Variants in SH3BGR observed in about 807,000 individuals in gnomAD.
SH3BGR encodes the protein SH3 domain-binding glutamic acid-rich protein.
In SH3BGR, 29 loss-of-function variants were observed where a neutral mutation model predicts 24.5. That is an observed-to-expected ratio of 1.18 (90% confidence interval 0.88 to 1.61). The LOEUF (loss-of-function observed/expected upper bound fraction) is 1.61, where lower values mean the gene tolerates loss of function less well. Ranked by LOEUF, SH3BGR falls within the 40% of genes most tolerant of loss-of-function variation. SH3BGR has a pLI of 0.00. For missense variants in SH3BGR, 162 were observed against 205.8 expected, an observed-to-expected ratio of 0.79 and a Z score of 1.30; for synonymous variants, 55 against 65.7, an observed-to-expected ratio of 0.84 and a Z score of 0.79.
chr21:39,503,058 A>T (rs1338785259), intron 4 of SH3BGR, among the ~76,000 whole-genome samples: 1 of 151,206 alleles, frequency 6.6e-6, no homozygotes, highest in Non-Finnish European at 1.5e-5. Context: ...ACCAAGGTCT[A>T]TACTTTCTTC....
intron 1 of SH3BGR, among the ~76,000 whole-genome samples, chr21:39,453,571 A>G (rs2077609017): frequency 6.6e-6 from 1 of 152,110 alleles, no homozygotes; most frequent in African/African-American, 2.4e-5. Flanking sequence ...TTTAAGGTTT[A>G]TTTGATGTCC....
intron 2 of SH3BGR, among the ~76,000 whole-genome samples, chr21:39,472,514 G>A (rs2077958541): frequency 6.6e-6 from 1 of 152,018 alleles, no homozygotes; most frequent in South Asian, 2.1e-4. Flanking sequence ...TGAGGCCTGG[G>A]GTTTATTTCT....
chr21:39,451,840 T>G (rs2077578821), upstream of SH3BGR: 3 of 1,546,770 alleles, frequency 1.9e-6, no homozygotes, highest in Non-Finnish European at 2.6e-6. Flanking sequence ...GCTGCTTTTA[T>G]CGACCAATCA....
At chr21:39,473,492 GA>G (rs1263793590) in intron 2 of SH3BGR, among the ~76,000 whole-genome samples, 1 of 152,164 alleles carries the variant, frequency 6.6e-6, no homozygotes, top group East Asian at 1.9e-4. Context: ...ACCAAGATTT[GA>G]GGCAGCTTCC....
intron 4 of SH3BGR, among the ~76,000 whole-genome samples, chr21:39,505,725 A>G (rs2040312597): frequency 6.6e-6 from 1 of 152,062 alleles, no homozygotes; most frequent in Non-Finnish European, 1.5e-5. Flanking sequence ...AGATTGCGCC[A>G]TTGCACTCCA....
chr21:39,475,095 G>T, intron 2 of SH3BGR, 40 bp from the exon 3 acceptor site: 1 of 1,249,922 alleles, frequency 8.0e-7, no homozygotes. Context: ...TGGCTCACAA[G>T]TGTGCAGTAG....
At chr21:39,498,237 G>A (rs185006748) in intron 3 of SH3BGR, among the ~76,000 whole-genome samples, 6 of 152,186 alleles carry the variant, frequency 3.9e-5, no homozygotes, top group African/African-American at 7.2e-5. Context: ...CAGAGGTACC[G>A]TATCACATTT....
At position 39,511,247 on chromosome 21, in the gene SH3BGR, GGTAT is replaced by G. The variant is rs574220110; in HGVS notation, c.436-426_436-423del. 2.2e-3 allele frequency among the ~76,000 whole-genome samples: 326 copies of G among 149,830 alleles called. 1 individual carries two copies. Among genetic ancestry groups the G allele is most frequent in the African/African-American group, 7.8e-3 (318 of 40,846 alleles). On this transcript the variant is annotated intron_variant, in intron 5 of 6. Coordinates refer to ENST00000333634, the MANE Select transcript of SH3BGR (RefSeq NM_007341.3). This position sits in a 1 kb window ranked among gnomAD's most constrained non-coding sequence, Gnocchi z 4.2. ...ATGGTGTGTATGTTATGGTGTGGAG[GGTAT>G]GTATGTGTATGTGTGATGTGTATGT...
At chr21:39,492,445 T>A (rs1049691788) in intron 3 of SH3BGR, among the ~76,000 whole-genome samples, 1 of 100,076 alleles carries the variant, frequency 1.0e-5, no homozygotes, top group Non-Finnish European at 2.2e-5. Context: ...TTTCCCTTGG[T>A]GTGTGTGTGT....
At chr21:39,475,267 G>T (rs1263046959) in intron 3 of SH3BGR, 52 bp downstream of exon 3, 2 of 1,115,204 alleles carry the variant, frequency 1.8e-6, no homozygotes. Context: ...ACTAAATGAA[G>T]GTAGAAATCA....
At chr21:39,456,137 G>T (rs1259270119) in intron 1 of SH3BGR, among the ~76,000 whole-genome samples, 2 of 152,112 alleles carry the variant, frequency 1.3e-5, no homozygotes, top group African/African-American at 4.8e-5. Context: ...CCCACATCAA[G>T]CCCTGAGGCA....
chr21:39,485,579 C>CTGGATCTTG (rs1241034695), intron 3 of SH3BGR, among the ~76,000 whole-genome samples: 5 of 152,176 alleles, frequency 3.3e-5, no homozygotes, highest in Admixed American at 3.3e-4. Context: ...TCCTATTCCA[C>CTGGATCTTG]TGGATCTTGT....
intron 3 of SH3BGR, among the ~76,000 whole-genome samples, chr21:39,487,611 A>G (rs777269611): frequency 4.6e-5 from 7 of 152,232 alleles, no homozygotes; most frequent in African/African-American, 1.2e-4. Flanking sequence ...AGAGGTTTCA[A>G]ATCCCTCTAT....
chr21:39,510,528 G>C (rs932902879), intron 5 of SH3BGR, among the ~76,000 whole-genome samples: 2 of 151,204 alleles, frequency 1.3e-5, no homozygotes, highest in African/African-American at 4.9e-5. Context: ...TTTTTTCATG[G>C]AATGTGTCTA....
intron 1 of SH3BGR, among the ~76,000 whole-genome samples, chr21:39,461,067 T>TA (rs749741550): frequency 2.6e-5 from 4 of 151,852 alleles, no homozygotes; most frequent in Non-Finnish European, 5.9e-5. Flanking sequence ...GCAAAAAAGA[T>TA]ACGAGAGCAT....
chr21:39,480,615 T>A (rs1487873903), intron 3 of SH3BGR, among the ~76,000 whole-genome samples: 1 of 152,248 alleles, frequency 6.6e-6, no homozygotes, highest in Admixed American at 6.5e-5. Context: ...GTATTTGGGT[T>A]GTTTCCACGT....
At chr21:39,489,203 G>A (rs1199045470) in intron 3 of SH3BGR, among the ~76,000 whole-genome samples, 3 of 152,192 alleles carry the variant, frequency 2.0e-5, no homozygotes, top group Non-Finnish European at 4.4e-5. Flanking sequence ...CTAATCATTC[G>A]AGAGATGCCA....
intron 4 of SH3BGR, among the ~76,000 whole-genome samples, chr21:39,508,536 A>G (rs951115732): frequency 6.6e-6 from 1 of 152,246 alleles, no homozygotes; most frequent in African/African-American, 2.4e-5. Flanking sequence ...TTGTTCTCAT[A>G]GAGGAAAAGT....
chr21:39,511,104 TTA>T lies in SH3BGR; in HGVS notation c.436-574_436-573del, dbSNP rs1472382490. On this transcript the variant is annotated intron_variant, in intron 5 of 6. Coordinates refer to ENST00000333634, the MANE Select transcript of SH3BGR (RefSeq NM_007341.3). The surrounding 1 kb of genome is among the most constrained non-coding windows in gnomAD (Gnocchi z 4.2). The stretch of plus-strand genomic sequence containing the variant: ...TCTGTGTTTAGAAGGATGATTTTTT[TTA>T]TGTGTGTGTATGTATGTGTGGTATG... Among the ~76,000 whole-genome samples, 2 of 151,492 alleles carry T rather than the reference TTA, an allele frequency of 1.3e-5. No homozygotes were observed. The highest frequency in any genetic ancestry group is 4.8e-5 in the African/African-American group (2 of 41,242).
Sources: allele counts gnomAD v4.1 joint callset (sites outside exome capture counted in the v4.1 genomes callset), GRCh38; gene constraint gnomAD v4.1.1; non-coding constraint Gnocchi (gnomAD v3.1); transcripts MANE v1.5; gene names NCBI Gene and HGNC (gene_info 2026-07-23, HGNC 2026-07-21).